The following NXPH1 variants were observed in gnomAD, a reference collection of about 807,000 sequenced individuals.
The protein encoded by NXPH1 is neurexophilin 1.
A neutral mutation model predicts 23.7 loss-of-function variants in NXPH1; 5 were observed. The ratio of observed to expected loss-of-function variants is 0.21; its 90% CI spans 0.11 to 0.44. The LOEUF (loss-of-function observed/expected upper bound fraction) is 0.44, where lower values mean the gene tolerates loss of function less well. Among genes scored for constraint, NXPH1 ranks in the 20% least tolerant of loss-of-function variants. The pLI is 0.99. For synonymous variants in NXPH1, 144 were observed against 122.2 expected (o/e 1.18, Z -1.18); for missense variants, 324 against 321.6 (o/e 1.01, Z -0.06).
chr7:8,709,747 AT>A (rs1415417743), intron 2 of NXPH1, among the ~76,000 whole-genome samples: 4 of 152,172 alleles, frequency 2.6e-5, no homozygotes, highest in African/African-American at 9.7e-5. Context: ...TAGATAAATT[AT>A]TTTTCTAGTC....
rs185655866 is a variant in NXPH1 at position 8,635,660 on chromosome 7, T to G, written c.55-115348T>G. On this transcript the variant is annotated intron_variant, in intron 2 of 2. Coordinates refer to ENST00000405863, the MANE Select transcript of NXPH1 (RefSeq NM_152745.3). ...GTGATGACACCGGGTCTAAAAGCAT[T>G]TGAAATATTTAAAAAGAAATGTAAT... Among the ~76,000 whole-genome samples, 467 of 152,292 alleles carry G rather than the reference T, an allele frequency of 3.1e-3. 2 individuals are homozygous for G. Among genetic ancestry groups the G allele is most frequent in the African/African-American group, 0.01 (418 of 41,570 alleles).
intron 2 of NXPH1, among the ~76,000 whole-genome samples, chr7:8,713,268 C>T (rs572230661): frequency 6.6e-6 from 1 of 152,140 alleles, no homozygotes; most frequent in East Asian, 1.9e-4. Context: ...GTTGCACTTT[C>T]AACTCCAGAA....
chr7:8,626,116 C>T (rs1373913924), intron 2 of NXPH1, among the ~76,000 whole-genome samples: 1 of 151,866 alleles, frequency 6.6e-6, no homozygotes, highest in Non-Finnish European at 1.5e-5. Context: ...TTCTAAGGGA[C>T]CTCTTTCTCC....
At chr7:8,497,600 C>T (rs1468955244) in intron 2 of NXPH1, among the ~76,000 whole-genome samples, 3 of 152,146 alleles carry the variant, frequency 2.0e-5, no homozygotes, top group Non-Finnish European at 2.9e-5. Context: ...ATTTGCATTT[C>T]TCTGATGGCC....
At chr7:8,453,595 T>C (rs1816542537) in intron 2 of NXPH1, among the ~76,000 whole-genome samples, 1 of 152,154 alleles carries the variant, frequency 6.6e-6, no homozygotes, top group Non-Finnish European at 1.5e-5. Flanking sequence ...TTGTGTAGGT[T>C]ATTGTTGATC....
intron 2 of NXPH1, among the ~76,000 whole-genome samples, chr7:8,456,302 C>A (rs921862548): frequency 6.6e-6 from 1 of 152,162 alleles, no homozygotes; most frequent in Admixed American, 6.5e-5. Context: ...AGCTGATTAC[C>A]TTGTTGATCA....
At chr7:8,493,080 C>T (rs1817277776) in intron 2 of NXPH1, among the ~76,000 whole-genome samples, 1 of 151,920 alleles carries the variant, frequency 6.6e-6, no homozygotes. Context: ...GATGAATAAT[C>T]CACTCTCCTC....
intron 2 of NXPH1, among the ~76,000 whole-genome samples, chr7:8,460,510 C>T (rs535316731): frequency 2.0e-5 from 3 of 152,268 alleles, no homozygotes; most frequent in Admixed American, 1.3e-4. Flanking sequence ...TAGGATTTTC[C>T]TGAAGCAGGT....
rs1197645922 is a variant in NXPH1, at chr7:8,710,640, GTTTTTTGTTTTTTTTTTT to G, written c.55-40361_55-40344del. Among the ~76,000 whole-genome samples the G allele has an allele frequency of 2.2e-4, 6 of 27,680 alleles. 1 individual carries two copies. Among genetic ancestry groups the G allele is most frequent in the African/African-American group, 4.8e-4 (3 of 6,242 alleles). 18.2% of individuals were successfully genotyped at this position (27,680 alleles called of 152,430 possible). A position where few individuals can be genotyped will look rare whatever the true frequency, so the allele number is the denominator to read the frequency against. ...TTGAACAAAGCATGTCAACTGTTAC[GTTTTTTGTTTTTTTTTTT>G]TTTTTTTTTTTTTTTGAGACGGAGT... is the stretch of plus-strand genomic sequence containing the variant. On this transcript the variant is annotated intron_variant, in intron 2 of 2. Coordinates refer to ENST00000405863, the MANE Select transcript of NXPH1 (RefSeq NM_152745.3).
intron 2 of NXPH1, among the ~76,000 whole-genome samples, chr7:8,573,711 CT>C (rs750698667): frequency 6.8e-4 from 103 of 152,226 alleles, no homozygotes; most frequent in South Asian, 1.4e-3. Flanking sequence ...GACTTTAGAA[CT>C]TTCTTCCAGT....
intron 2 of NXPH1, among the ~76,000 whole-genome samples, chr7:8,601,948 A>G (rs1357866381): frequency 6.6e-6 from 1 of 152,238 alleles, no homozygotes; most frequent in Non-Finnish European, 1.5e-5. Context: ...AGCTTAATCA[A>G]TACTGAAAGT....
At chr7:8,447,362 A>T (rs987072815) in intron 2 of NXPH1, among the ~76,000 whole-genome samples, 2 of 152,244 alleles carry the variant, frequency 1.3e-5, no homozygotes, top group Non-Finnish European at 2.9e-5. Flanking sequence ...AAAGGAAGTT[A>T]TTCATGCATG....
intron 2 of NXPH1, among the ~76,000 whole-genome samples, chr7:8,585,035 T>A (rs779287981): frequency 9.2e-5 from 14 of 152,224 alleles, no homozygotes; most frequent in Non-Finnish European, 1.9e-4. Flanking sequence ...TACTTTTCTA[T>A]ATTGGAGATG....
chr7:8,436,007 G>T (rs1816187453), intron 2 of NXPH1, among the ~76,000 whole-genome samples: 2 of 152,178 alleles, frequency 1.3e-5, no homozygotes, highest in African/African-American at 2.4e-5. Context: ...GGGCTAGGGC[G>T]CCCCAGACAC....
intron 2 of NXPH1, among the ~76,000 whole-genome samples, chr7:8,487,935 T>C (rs1817186242): frequency 1.3e-5 from 2 of 152,088 alleles, no homozygotes; most frequent in Admixed American, 6.6e-5. Flanking sequence ...AAGGGTCACA[T>C]AGAATAACGT....
chr7:8,600,278 G>A (rs1188103799), intron 2 of NXPH1, among the ~76,000 whole-genome samples: 2 of 152,088 alleles, frequency 1.3e-5, no homozygotes, highest in African/African-American at 2.4e-5. Flanking sequence ...GAGGAACCAT[G>A]TAAAAAGCTA....
chr7:8,540,434 A>G (rs1309993926), intron 2 of NXPH1, among the ~76,000 whole-genome samples: 1 of 151,822 alleles, frequency 6.6e-6, no homozygotes, highest in Non-Finnish European at 1.5e-5. Context: ...GAGTAGAAAA[A>G]TAAACAAGGT....
intron 2 of NXPH1, among the ~76,000 whole-genome samples, chr7:8,631,204 G>T (rs1263469385): frequency 1.3e-5 from 2 of 152,028 alleles, no homozygotes; most frequent in African/African-American, 4.8e-5. Context: ...TAATTCCATA[G>T]TTTTGTTATC....
intron 2 of NXPH1, among the ~76,000 whole-genome samples, chr7:8,580,043 C>T (rs1473932289): frequency 1.3e-5 from 2 of 152,098 alleles, no homozygotes; most frequent in South Asian, 2.1e-4. Flanking sequence ...TACTTTTGGC[C>T]AAGAACTAAA....
Sources: allele counts gnomAD v4.1 joint callset (sites outside exome capture counted in the v4.1 genomes callset), GRCh38; gene constraint gnomAD v4.1.1; transcripts MANE v1.5; gene names NCBI Gene and HGNC (gene_info 2026-07-23, HGNC 2026-07-21).